Variants in MBOAT1 observed in about 807,000 individuals in gnomAD.
MBOAT1 encodes membrane-bound glycerophospholipid O-acyltransferase 1.
A neutral mutation model predicts 64.4 loss-of-function variants in MBOAT1; 67 were observed. That is an observed-to-expected ratio of 1.04 (90% CI 0.85 to 1.27). MBOAT1 has a LOEUF of 1.27. MBOAT1 is among the 50% of genes most tolerant of loss of function. The pLI, the probability that MBOAT1 is intolerant of heterozygous loss-of-function variation, is 0.00. For missense variants in MBOAT1, 563 were observed against 604.6 expected (o/e 0.93, Z 0.72); for synonymous variants, 229 against 218.9 (o/e 1.05, Z -0.41).
intron 1 of MBOAT1, among the ~76,000 whole-genome samples, chr6:20,170,201 G>A (rs576385729): frequency 2.4e-4 from 37 of 152,178 alleles, no homozygotes; most frequent in Non-Finnish European, 4.0e-4. Flanking sequence ...ACATGCCAAG[G>A]TAACGTTTCT....
intron 3 of MBOAT1, among the ~76,000 whole-genome samples, chr6:20,144,953 C>T (rs843326): frequency 0.57 from 85,956 of 151,938 alleles, 25,076 homozygotes; most frequent in Middle Eastern, 0.65. Flanking sequence ...TCCCTGGCTT[C>T]CTTCAGAGAT....
intron 1 of MBOAT1, among the ~76,000 whole-genome samples, chr6:20,162,212 G>A (rs1761885310): frequency 6.6e-6 from 1 of 152,092 alleles, no homozygotes; most frequent in Non-Finnish European, 1.5e-5. Context: ...TTAAATTTTG[G>A]GGGAACACAT....
chr6:20,145,144 G>A (rs766432189), intron 3 of MBOAT1, among the ~76,000 whole-genome samples: 4 of 152,184 alleles, frequency 2.6e-5, no homozygotes, highest in Non-Finnish European at 4.4e-5. Context: ...ACATTAGGAG[G>A]TGGGACCTTT....
intron 1 of MBOAT1, among the ~76,000 whole-genome samples, chr6:20,159,973 C>T (rs1447954165): frequency 1.3e-5 from 2 of 152,058 alleles, no homozygotes; most frequent in Non-Finnish European, 2.9e-5. Flanking sequence ...TTGTGTGGGC[C>T]TTTATGCATG....
chr6:20,198,075 A>T (rs1763007719), intron 1 of MBOAT1, among the ~76,000 whole-genome samples: 1 of 152,056 alleles, frequency 6.6e-6, no homozygotes, highest in Admixed American at 6.5e-5. Flanking sequence ...AAAATACAAA[A>T]AAATTAGCCA....
At chr6:20,128,782 A>G in intron 5 of MBOAT1, 29 bp from the exon 6 acceptor site, 1 of 1,509,224 alleles carries the variant, frequency 6.6e-7, no homozygotes, top group Non-Finnish European at 9.1e-7. Context: ...TTTAGAAATA[A>G]GATGTTTGAA....
chr6:20,207,307 A>G (rs1397230615), intron 1 of MBOAT1, among the ~76,000 whole-genome samples: 7 of 152,128 alleles, frequency 4.6e-5, no homozygotes, highest in African/African-American at 1.7e-4. Context: ...TCTTTTCACA[A>G]CTTAAACCCT....
intron 1 of MBOAT1, among the ~76,000 whole-genome samples, chr6:20,176,537 G>T (rs2225135): frequency 0.34 from 51,573 of 152,044 alleles, 9,522 homozygotes; most frequent in East Asian, 0.46. Flanking sequence ...ATTTTAATGT[G>T]TAAAATATTA....
Position 20,152,333 on chromosome 6 carries a change from A to AAT in MBOAT1, c.245+290_245+291insAT, listed in dbSNP as rs1761521458. 5.9e-5 allele frequency among the ~76,000 whole-genome samples: 8 copies of AAT among 135,122 alleles called. 1 individual carries two copies. The highest frequency in any genetic ancestry group is 1.4e-4 in the Admixed American group (2 of 13,846). The allele number at this position is 135,122 out of a possible 152,430, so 88.6% of individuals were successfully genotyped here. A position where few individuals can be genotyped will look rare whatever the true frequency, so the allele number is the denominator to read the frequency against. On this transcript the variant is annotated intron_variant, in intron 2 of 12. Coordinates refer to ENST00000324607, the MANE Select transcript of MBOAT1 (RefSeq NM_001080480.3). The stretch of plus-strand genomic sequence containing the variant: ...CAGAGCGAGACTCCGTCTCAAAAAA[A>AAT]AAAAATAAAAAATAAATAAATAAAT...
At chr6:20,168,735 AAGGG>A (rs201184450) in intron 1 of MBOAT1, among the ~76,000 whole-genome samples, 6,049 of 94,674 alleles carry the variant, frequency 0.064, 170 homozygotes, top group Non-Finnish European at 0.084. Context: ...AAGGAAAAGG[AAGGG>A]AGGGAGGGAG....
At chr6:20,166,828 A>G (rs892490365) in intron 1 of MBOAT1, among the ~76,000 whole-genome samples, 9 of 152,086 alleles carry the variant, frequency 5.9e-5, no homozygotes, top group Non-Finnish European at 1.3e-4. Context: ...AGTCCTAGCT[A>G]CTTGAGAGGC....
Position 20,127,430 on chromosome 6 carries a change from G to A in MBOAT1, c.531-730C>T, listed in dbSNP as rs541959999. Among the ~76,000 whole-genome samples the A allele has an allele frequency of 3.0e-4, 46 of 152,342 alleles. 2 individuals are homozygous for A. The South Asian group carries it at 9.1e-3, about 30-fold the overall frequency. On this transcript the variant is annotated intron_variant, in intron 6 of 12. Transcript: ENST00000324607. Reference sequence around the variant, plus strand: ...TCAGACTGGTATTGGTCTGTGGCCTGTTAGGAACTGGGCCAACAGCAGCAG... The same window carrying A: ...TCAGACTGGTATTGGTCTGTGGCCTATTAGGAACTGGGCCAACAGCAGCAG...
intron 1 of MBOAT1, among the ~76,000 whole-genome samples, chr6:20,165,062 T>C (rs940949190): frequency 6.6e-6 from 1 of 152,224 alleles, no homozygotes; most frequent in African/African-American, 2.4e-5. Context: ...TTCTGATATT[T>C]TCAACTTAGA....
chr6:20,110,134 T>C (rs556013631), intron 11 of MBOAT1, among the ~76,000 whole-genome samples: 18 of 151,892 alleles, frequency 1.2e-4, no homozygotes, highest in Middle Eastern at 3.4e-3. Context: ...TGGTCTCGAA[T>C]TCCTGACCTT....
At chr6:20,117,192 C>T (rs576238745) in intron 9 of MBOAT1, among the ~76,000 whole-genome samples, 1 of 152,298 alleles carries the variant, frequency 6.6e-6, no homozygotes, top group South Asian at 2.1e-4. Context: ...CTTGCCCATG[C>T]TCCTACAGCA....
Position 20,112,808 on chromosome 6 carries a change from C to A in MBOAT1, c.1209+68G>T, listed in dbSNP as rs976934537. 4 of 1,552,642 alleles carry A rather than the reference C, an allele frequency of 2.6e-6. No homozygotes were observed. The African/African-American group carries it at 5.5e-5, about 21-fold the overall frequency. ...CCCACCCCCAACCCCTACTAGGACC[C>A]AACAGATAACAAACATGCAGGCATC... On this transcript the variant is annotated intron_variant, in intron 11 of 12. Coordinates refer to ENST00000324607, the MANE Select transcript of MBOAT1 (RefSeq NM_001080480.3).
intron 4 of MBOAT1, among the ~76,000 whole-genome samples, chr6:20,140,922 C>A (rs890043973): frequency 6.6e-6 from 1 of 152,114 alleles, no homozygotes; most frequent in African/African-American, 2.4e-5. Flanking sequence ...GTATCTGTGG[C>A]CGCCAGCTAC....
At chr6:20,193,905 A>C (rs1229711271) in intron 1 of MBOAT1, among the ~76,000 whole-genome samples, 1 of 152,166 alleles carries the variant, frequency 6.6e-6, no homozygotes, top group Non-Finnish European at 1.5e-5. Context: ...GCGCCCAGCC[A>C]ATCCTTTGTA....
At chr6:20,146,473 GA>G in intron 3 of MBOAT1, among the ~76,000 whole-genome samples, 2 of 152,290 alleles carry the variant, frequency 1.3e-5, no homozygotes, top group East Asian at 3.9e-4. Context: ...TCCAAACCAA[GA>G]AGATGGTCAA....
Sources: allele counts gnomAD v4.1 joint callset (sites outside exome capture counted in the v4.1 genomes callset), GRCh38; gene constraint gnomAD v4.1.1; transcripts MANE v1.5; gene names NCBI Gene and HGNC (gene_info 2026-07-23, HGNC 2026-07-21).